CEP97: variants seen among roughly 807,000 people sequenced by gnomAD.
CEP97 encodes centrosomal protein of 97 kDa.
CEP97 carries 43 observed loss-of-function variants against 73.1 expected under a neutral mutation model. The ratio of observed to expected loss-of-function variants is 0.59; its 90% CI spans 0.46 to 0.76. The LOEUF (loss-of-function observed/expected upper bound fraction) is 0.76, where lower values mean the gene tolerates loss of function less well. Ranked by LOEUF, CEP97 falls within the 30% of genes least tolerant of loss-of-function variation. CEP97 has a pLI of 0.00. For synonymous variants in CEP97, 337 were observed against 370.0 expected (o/e 0.91, Z 1.02); for missense variants, 939 against 1,014.0 (o/e 0.93, Z 1.00).
At chr3:101,758,590 A>G (rs770825814) in intron 9 of CEP97, 167 bp downstream of exon 9, 52 of 745,388 alleles carry the variant, frequency 7.0e-5, no homozygotes, top group Non-Finnish European at 9.9e-5. Flanking sequence ...TGGAGAGCAG[A>G]CACTATCTGC....
chr3:101,750,490 C>G (rs1938772584), intron 6 of CEP97, among the ~76,000 whole-genome samples: 1 of 152,152 alleles, frequency 6.6e-6, no homozygotes, highest in Non-Finnish European at 1.5e-5. Context: ...AGGAATGGTA[C>G]CAGTTCCTCC....
intron 4 of CEP97, among the ~76,000 whole-genome samples, chr3:101,730,687 A>G (rs1938081989): frequency 6.6e-6 from 1 of 151,280 alleles, no homozygotes; most frequent in African/African-American, 2.4e-5. Flanking sequence ...AGCACTTTTT[A>G]TGGAGGGGAA....
chr3:101,726,821 G>A, intron 2 of CEP97, 85 bp downstream of exon 2: 1 of 1,011,894 alleles, frequency 9.9e-7, no homozygotes. Context: ...AAAAGTAACT[G>A]TGCAGCCCTA....
intron 5 of CEP97, 30 bp downstream of exon 5, chr3:101,731,983 A>G: frequency 1.6e-6 from 2 of 1,263,844 alleles, no homozygotes; most frequent in Non-Finnish European, 2.3e-6. Flanking sequence ...TGTGAGATTC[A>G]GGAAGCTGGA....
intron 6 of CEP97, among the ~76,000 whole-genome samples, chr3:101,745,402 A>G (rs902143505): frequency 6.6e-6 from 1 of 152,080 alleles, no homozygotes; most frequent in African/African-American, 2.4e-5. Flanking sequence ...CTGGGAATAG[A>G]TGCATGCCAC....
rs1330042624 is a variant in CEP97 at position 101,767,370 on chromosome 3, AT to A, written c.*1823del. 6.6e-6 allele frequency: 1 copy of A among 152,202 alleles called. No homozygotes were observed. The highest frequency in any genetic ancestry group is 1.5e-5 in the Non-Finnish European group (1 of 68,030). 9.4% of individuals were successfully genotyped at this position (152,202 alleles called of 1,614,324 possible). On this transcript the variant is annotated 3_prime_UTR_variant, in exon 11 of 11. Transcript: ENST00000341893. ...TAGTGCTAATTATCTTTTCTGAATG[AT>A]TTTGAATGTCTTCTTAAATATACCC...
intron 6 of CEP97, among the ~76,000 whole-genome samples, chr3:101,734,579 G>T (rs993742881): frequency 1.1e-4 from 17 of 152,208 alleles, no homozygotes; most frequent in African/African-American, 4.1e-4. Context: ...GTGAGGAATG[G>T]CAGCCAAGAG....
rs528283365 is a variant in CEP97 at position 101,769,624 on chromosome 3, A to G, written c.*4073A>G. The G allele has an allele frequency of 2.0e-5, 3 of 152,198 alleles. No homozygotes were observed. The East Asian group carries it at 5.8e-4, about 29-fold the overall frequency. The allele number at this position is 152,198 out of a possible 1,614,324, so 9.4% of individuals were successfully genotyped here. A position where few individuals can be genotyped will look rare whatever the true frequency, so the allele number is the denominator to read the frequency against. On this transcript the variant is annotated 3_prime_UTR_variant, in exon 11 of 11. Transcript: ENST00000341893. The stretch of plus-strand genomic sequence containing the variant: ...AGCCACTGTGCCCAGCCGAGACTTC[A>G]TTGTTTAATGTATATTTTTATTTTT...
chr3:101,732,539 A>G lies in CEP97; in HGVS notation c.613A>G (p.Asn205Asp). The stretch of plus-strand genomic sequence containing the variant: ...ATTGGAACAGTTGTCGATTATGAAC[A>G]ATCCTTGTGTGATGGCAACACCATC... ...TELEQLSIMN[N>D]PCVMATPSIP... is the part of the protein sequence containing the mutation. Residue 205 changes from asparagine (N) to aspartate (D), a missense_variant, in exon 6 of 11, where the codon AAT (asparagine) becomes GAT (aspartate). Transcript: ENST00000341893. 6.2e-7 allele frequency: 1 copy of G among 1,613,788 alleles called. No homozygotes were observed. Among genetic ancestry groups the G allele is most frequent in the Admixed American group, 1.7e-5 (1 of 59,994 alleles).
Position 101,758,086 on chromosome 3 carries a change from T to C in CEP97, c.1480T>C (p.Leu494=). ...CPEPTIISAI[L]KDDNHSLTFF... is the part of the protein sequence containing the mutation. ...TGAGCCAACAATAATCAGTGCTATC[T>C]TGAAGGATGATAACCACAGTCTTAC... is the stretch of plus-strand genomic sequence containing the variant. The change falls in exon 9 of 11, where the codon TTG becomes CTG. Residue 494 remains leucine, a synonymous_variant. Coordinates refer to ENST00000341893, the MANE Select transcript of CEP97 (RefSeq NM_024548.4). 6.2e-7 allele frequency: 1 copy of C among 1,614,220 alleles called. No homozygotes were observed. Among genetic ancestry groups the C allele is most frequent in the Non-Finnish European group, 8.5e-7 (1 of 1,180,050 alleles).
chr3:101,764,776 C>T, intron 10 of CEP97, 71 bp from the exon 11 acceptor site: 1 of 1,375,776 alleles, frequency 7.3e-7, no homozygotes, highest in Non-Finnish European at 9.8e-7. Context: ...GAGCGAGACC[C>T]TGTCTCAAAA....
chr3:101,728,117 A>G (rs1937960051), intron 3 of CEP97, among the ~76,000 whole-genome samples: 1 of 152,214 alleles, frequency 6.6e-6, no homozygotes, highest in Non-Finnish European at 1.5e-5. Flanking sequence ...AAGGAACTAA[A>G]GCACAGAAAA....
intron 6 of CEP97, among the ~76,000 whole-genome samples, chr3:101,733,429 A>G (rs1938175494): frequency 6.6e-6 from 1 of 152,188 alleles, no homozygotes; most frequent in African/African-American, 2.4e-5. Context: ...GAATTCTCCA[A>G]ATACTCATTA....
rs1162154107 is a variant in CEP97 at position 101,731,911 on chromosome 3, TA to T, written c.520del (p.Ile174TyrfsTer12). On this transcript the variant is annotated frameshift_variant, in exon 5 of 11. Coordinates refer to ENST00000341893, the MANE Select transcript of CEP97 (RefSeq NM_024548.4). LOFTEE classifies it high-confidence loss of function. Reference protein sequence around the residue: ...APAYLPRSLAILSLAENEIRD... With the variant: ...APAYLPRSLAXLSLAENEIRD... ...CTGCTTACCTACCCAGAAGTCTTGC[TA>T]TACTTTCTTTGGCAGAAAATGAAAT... 7 of 1,610,736 alleles carry T rather than the reference TA, an allele frequency of 4.3e-6. No homozygotes were observed. Among genetic ancestry groups the T allele is most frequent in the Non-Finnish European group, 4.2e-6 (5 of 1,176,936 alleles).
intron 6 of CEP97, among the ~76,000 whole-genome samples, chr3:101,736,860 C>T (rs1477395445): frequency 6.6e-6 from 1 of 152,190 alleles, no homozygotes; most frequent in Non-Finnish European, 1.5e-5. Context: ...CACAAATTGA[C>T]AGAAGTAGGC....
At chr3:101,738,011 C>CAAAAAAAAAAAAAAAA (rs770745532) in intron 6 of CEP97, among the ~76,000 whole-genome samples, 60 of 44,180 alleles carry the variant, frequency 1.4e-3, no homozygotes, top group Admixed American at 1.9e-3. Flanking sequence ...AAATGGAAAG[C>CAAAAAAAAAAAAAAAA]AAAAAAAAAA....
At chr3:101,764,175 A>G (rs1306729184) in intron 10 of CEP97, among the ~76,000 whole-genome samples, 1 of 152,188 alleles carries the variant, frequency 6.6e-6, no homozygotes, top group Non-Finnish European at 1.5e-5. Flanking sequence ...GGAAAATTGT[A>G]AAATAGACAG....
In CEP97 at chr3:101,757,920, A is replaced by C; in HGVS notation, c.1314A>C (p.Glu438Asp). The change falls in exon 9 of 11, where the codon GAA (glutamate) becomes GAC (aspartate). Residue 438 changes from glutamate to aspartate, a missense_variant. Transcript: ENST00000341893. ...TAGAAGATGATGGTGTTGCAGATGA[A>C]TCTGTGAAAGGGCTGGAAAGCCAGG... ...LGLEDDGVAD[E>D]SVKGLESQVL... The C allele has an allele frequency of 6.2e-7, 1 of 1,614,238 alleles. No homozygotes were observed. The highest frequency in any genetic ancestry group is 8.5e-7 in the Non-Finnish European group (1 of 1,180,038).
intron 1 of CEP97, among the ~76,000 whole-genome samples, chr3:101,725,176 C>G (rs554185104): frequency 2.6e-5 from 4 of 152,204 alleles, no homozygotes; most frequent in Non-Finnish European, 4.4e-5. Flanking sequence ...TGAACCCTTC[C>G]TCGGAGGTGG....
Sources: allele counts gnomAD v4.1 joint callset (sites outside exome capture counted in the v4.1 genomes callset), GRCh38; gene constraint gnomAD v4.1.1; transcripts MANE v1.5; gene names NCBI Gene and HGNC (gene_info 2026-07-23, HGNC 2026-07-21).